The following CLNK variants were observed in gnomAD, a reference collection of about 807,000 sequenced individuals.
CLNK encodes the protein cytokine-dependent hematopoietic cell linker.
CLNK carries 74 observed loss-of-function variants against 68.6 expected under a neutral mutation model. The ratio of observed to expected loss-of-function variants is 1.08; its 90% CI spans 0.89 to 1.31. The LOEUF is 1.31. Among genes scored for constraint, CLNK ranks in the 50% most tolerant of loss-of-function variants. The pLI is 0.00. For missense variants in CLNK, 553 were observed against 515.3 expected (o/e 1.07, Z -0.71); for synonymous variants, 198 against 172.2 (o/e 1.15, Z -1.17).
intron 4 of CLNK, among the ~76,000 whole-genome samples, chr4:10,574,704 A>T: frequency 6.6e-6 from 1 of 152,240 alleles, no homozygotes; most frequent in East Asian, 1.9e-4. Context: ...TAAAAGGCAG[A>T]AATGAAATCC....
the CLNK span, among the ~76,000 whole-genome samples, chr4:10,699,280 ACATACG>A: frequency 2.9e-5 from 2 of 68,344 alleles, no homozygotes; most frequent in Admixed American, 1.4e-4. Flanking sequence ...CACACACACC[ACATACG>A]TGTATACACA....
chr4:10,627,627 G>C (rs908367930), intron 2 of CLNK, among the ~76,000 whole-genome samples: 1 of 152,048 alleles, frequency 6.6e-6, no homozygotes, highest in African/African-American at 2.4e-5. Context: ...AGAGAGACAG[G>C]GTCAGAGAGA....
intron 7 of CLNK, 128 bp from the exon 8 acceptor site, chr4:10,558,580 T>C: frequency 2.5e-6 from 2 of 812,694 alleles, no homozygotes; most frequent in Admixed American, 2.1e-5. Flanking sequence ...TGGTTTTCAA[T>C]GTATGGTTGG....
At chr4:10,576,733 C>T (rs377188731) in intron 4 of CLNK, among the ~76,000 whole-genome samples, 3 of 152,338 alleles carry the variant, frequency 2.0e-5, no homozygotes, top group African/African-American at 7.2e-5. Flanking sequence ...AGCCCCAGAG[C>T]AAACCAATTG....
chr4:10,714,905 T>C, the CLNK span, among the ~76,000 whole-genome samples: 27 of 152,328 alleles, frequency 1.8e-4, no homozygotes, highest in South Asian at 5.0e-3. Context: ...TAAGAATTTT[T>C]CTTTTTTTAT....
intron 2 of CLNK, among the ~76,000 whole-genome samples, chr4:10,662,171 G>A (rs977696981): frequency 1.6e-4 from 24 of 152,252 alleles, no homozygotes; most frequent in South Asian, 4.2e-4. Flanking sequence ...TCACAACACC[G>A]TCTGCTCTAA....
chr4:10,670,611 A>C (rs1207973654), intron 1 of CLNK, among the ~76,000 whole-genome samples: 1 of 152,226 alleles, frequency 6.6e-6, no homozygotes, highest in African/African-American at 2.4e-5. Flanking sequence ...GCTTTGAGTA[A>C]GGCATTGGAG....
the CLNK span, among the ~76,000 whole-genome samples, chr4:10,711,601 A>AT: frequency 7.7e-4 from 46 of 59,952 alleles, 1 homozygote; most frequent in Non-Finnish European, 1.4e-3. Flanking sequence ...CCCTAAATTT[A>AT]TAAAAAAACT....
At chr4:10,675,991 T>C (rs910936618) in intron 1 of CLNK, among the ~76,000 whole-genome samples, 1 of 152,088 alleles carries the variant, frequency 6.6e-6, no homozygotes, top group Non-Finnish European at 1.5e-5. Flanking sequence ...TGGTGAATGA[T>C]TTTTGGAATT....
At chr4:10,582,412 T>C (rs1720815430) in intron 4 of CLNK, among the ~76,000 whole-genome samples, 1 of 152,218 alleles carries the variant, frequency 6.6e-6, no homozygotes, top group Non-Finnish European at 1.5e-5. Flanking sequence ...CCTGACAAGA[T>C]GAAATTTCTT....
the CLNK span, among the ~76,000 whole-genome samples, chr4:10,702,983 A>G: frequency 6.6e-6 from 1 of 152,180 alleles, no homozygotes; most frequent in Admixed American, 6.5e-5. Flanking sequence ...GACGAAGAGG[A>G]ACTCCAGTGG....
chr4:10,607,222 C>T (rs1237146875), intron 2 of CLNK, among the ~76,000 whole-genome samples: 1 of 152,168 alleles, frequency 6.6e-6, no homozygotes, highest in Non-Finnish European at 1.5e-5. Flanking sequence ...AGGCTTTGAG[C>T]TGGTTTCTGG....
chr4:10,618,786 C>T (rs536901952), intron 2 of CLNK, among the ~76,000 whole-genome samples: 8 of 152,296 alleles, frequency 5.3e-5, no homozygotes, highest in Non-Finnish European at 1.0e-4. Flanking sequence ...CCATATCTCA[C>T]AATAACTCAC....
At chr4:10,510,122 T>A (rs982745493) in intron 16 of CLNK, among the ~76,000 whole-genome samples, 3 of 152,162 alleles carry the variant, frequency 2.0e-5, no homozygotes, top group Non-Finnish European at 4.4e-5. Flanking sequence ...ATTTAGAGAT[T>A]AGTCCTGTGT....
At chr4:10,623,712 C>T (rs1457785009) in intron 2 of CLNK, among the ~76,000 whole-genome samples, 2 of 152,166 alleles carry the variant, frequency 1.3e-5, no homozygotes, top group African/African-American at 4.8e-5. Context: ...AAAGTTTGTG[C>T]CCTGAACTGT....
At chr4:10,646,519 T>C (rs537004890) in intron 2 of CLNK, among the ~76,000 whole-genome samples, 2 of 152,234 alleles carry the variant, frequency 1.3e-5, no homozygotes, top group Non-Finnish European at 2.9e-5. Flanking sequence ...TCCAAGAAAA[T>C]TCATTTTGCC....
At chr4:10,535,279 A>C (rs1044852303) in intron 11 of CLNK, among the ~76,000 whole-genome samples, 2 of 136,634 alleles carry the variant, frequency 1.5e-5, no homozygotes, top group Non-Finnish European at 3.2e-5. Flanking sequence ...ATGGAAAGCC[A>C]TAGTTAGGCA....
Position 10,532,263 on chromosome 4 carries a change from A to G in CLNK, c.623T>C (p.Leu208Ser). 4 of 1,610,534 alleles carry G rather than the reference A, an allele frequency of 2.5e-6. No individual in the cohort carries two copies. The highest frequency in any genetic ancestry group is 2.5e-6 in the Non-Finnish European group (3 of 1,177,518). Residue 208 changes from leucine to serine, a missense_variant, in exon 12 of 19, where the codon TTA (leucine) becomes TCA (serine). Coordinates refer to ENST00000226951, the MANE Select transcript of CLNK (RefSeq NM_052964.4). ...GATAAAATTGCTACTTACCTCACTT[A>G]AGTCCCTTAAGCTTATCTGACTGCA... ...RMPSQISLRD[L>S]SEVLEAEKVP...
At chr4:10,516,818 T>C (rs1325225212) in intron 15 of CLNK, among the ~76,000 whole-genome samples, 10 of 152,348 alleles carry the variant, frequency 6.6e-5, no homozygotes, top group Admixed American at 2.0e-4. Context: ...CCCAAAGTGC[T>C]GGGATTATAG....
Sources: gnomAD v4.1 joint callset for allele counts (sites outside exome capture counted in the v4.1 genomes callset) on GRCh38, gnomAD v4.1.1 for gene constraint, MANE v1.5 for transcripts, NCBI Gene and HGNC (gene_info 2026-07-23, HGNC 2026-07-21) for gene names.